Variants in NFYC observed in about 807,000 individuals in gnomAD.
The protein encoded by NFYC is CAAT box DNA-binding protein subunit C.
In NFYC, 25 loss-of-function variants were observed where a neutral mutation model predicts 53.1. That is an observed-to-expected ratio of 0.47 (90% CI 0.34 to 0.66). The LOEUF (loss-of-function observed/expected upper bound fraction) is 0.66. NFYC is among the 30% of genes least tolerant of loss of function. The pLI is 0.01. For synonymous variants in NFYC, 145 were observed against 152.6 expected (o/e 0.95, Z 0.37); for missense variants, 260 against 422.7 (o/e 0.62, Z 3.38).
Position 40,758,145 on chromosome 1 carries a change from C to G in NFYC, c.412C>G (p.Pro138Ala). ...GGAGGAGGTGCGCCAGTCTGTAACT[C>G]CTGCCGAGCCAGTCCAGTACTATTT... ...RQEEVRQSVT[P>A]AEPVQYYFTL... is the part of the protein sequence containing the mutation. Residue 138 changes from proline to alanine, a missense_variant, in exon 6 of 10, where the codon CCT (proline) becomes GCT (alanine). Pro to Ala is a conservative substitution (Grantham distance 27, BLOSUM62 -1). Coordinates refer to ENST00000447388, the MANE Select transcript of NFYC (RefSeq NM_014223.5). The G allele has an allele frequency of 1.2e-6, 2 of 1,611,982 alleles. No homozygotes were observed. The highest frequency in any genetic ancestry group is 1.1e-5 in the South Asian group (1 of 90,958).
chr1:40,709,874 C>G (rs1288201966), intron 1 of NFYC, among the ~76,000 whole-genome samples: 2 of 152,206 alleles, frequency 1.3e-5, no homozygotes, highest in African/African-American at 4.8e-5. Flanking sequence ...ACACTTTTCT[C>G]TTTGCATTGG....
At chr1:40,691,940 C>G (rs777489433) in intron 1 of NFYC, 73 bp downstream of exon 1, 219 of 330,890 alleles carry the variant, frequency 6.6e-4, no homozygotes, top group Admixed American at 1.3e-3. Context: ...CAGCGCTTCC[C>G]GCCTTCGCCA....
At chr1:40,737,934 G>T (rs1277162194) in intron 1 of NFYC, among the ~76,000 whole-genome samples, 1 of 130,396 alleles carries the variant, frequency 7.7e-6, no homozygotes, top group Non-Finnish European at 1.6e-5. Flanking sequence ...ACGGAGTCTC[G>T]CTCTGTCGCC....
chr1:40,700,523 G>C (rs1353087060), intron 1 of NFYC, among the ~76,000 whole-genome samples: 1 of 151,812 alleles, frequency 6.6e-6, no homozygotes, highest in Non-Finnish European at 1.5e-5. Flanking sequence ...TTTTTTTATT[G>C]TTAGTAGTGA....
intron 8 of NFYC, chr1:40,766,944 G>A (rs552679138): frequency 6.4e-7 from 1 of 1,552,246 alleles, no homozygotes; most frequent in Admixed American, 2.0e-5. Context: ...GTCAGGGGAA[G>A]CCTCGAAGGT....
chr1:40,756,506 A>C (rs1211833146), intron 5 of NFYC, among the ~76,000 whole-genome samples: 2 of 152,202 alleles, frequency 1.3e-5, no homozygotes. Flanking sequence ...CATGTCATGC[A>C]GAGACCCATG....
intron 1 of NFYC, among the ~76,000 whole-genome samples, chr1:40,714,952 C>T (rs1301013484): frequency 1.3e-5 from 2 of 151,852 alleles, no homozygotes; most frequent in African/African-American, 4.8e-5. Flanking sequence ...TGGTGGCGGG[C>T]GCCTGTAGTC....
chr1:40,727,920 T>C (rs903775952), intron 1 of NFYC, among the ~76,000 whole-genome samples: 1 of 152,100 alleles, frequency 6.6e-6, no homozygotes, highest in Non-Finnish European at 1.5e-5. Flanking sequence ...AATCCCTGTC[T>C]ATGGCAGCTG....
At chr1:40,701,143 C>G (rs1643415323) in intron 1 of NFYC, among the ~76,000 whole-genome samples, 1 of 152,178 alleles carries the variant, frequency 6.6e-6, no homozygotes, top group African/African-American at 2.4e-5. Flanking sequence ...GTCACCCAGG[C>G]TGGAGTGCAT....
chr1:40,766,573 CTT>C (rs1306862215), intron 7 of NFYC, 21 bp from the exon 8 acceptor site: 2 of 1,582,032 alleles, frequency 1.3e-6, no homozygotes, highest in Non-Finnish European at 1.7e-6. Context: ...CTTATGGTCT[CTT>C]TGTCTCTGCC....
intron 1 of NFYC, among the ~76,000 whole-genome samples, chr1:40,719,892 A>G (rs906468630): frequency 6.6e-6 from 1 of 152,226 alleles, no homozygotes; most frequent in African/African-American, 2.4e-5. Context: ...CCACCTGGAT[A>G]AAGTATCTTT....
intron 1 of NFYC, among the ~76,000 whole-genome samples, chr1:40,724,958 T>C (rs902566615): frequency 6.6e-6 from 1 of 152,216 alleles, no homozygotes; most frequent in Non-Finnish European, 1.5e-5. Flanking sequence ...CGGCTTCCTC[T>C]TAACACAGAT....
intron 1 of NFYC, among the ~76,000 whole-genome samples, chr1:40,724,628 T>C (rs536224308): frequency 6.6e-6 from 1 of 152,338 alleles, no homozygotes; most frequent in African/African-American, 2.4e-5. Context: ...AGATGTTACA[T>C]ATCGTTTTCT....
intron 1 of NFYC, chr1:40,735,624 A>G: frequency 1.0e-6 from 1 of 985,430 alleles, no homozygotes; most frequent in Non-Finnish European, 1.2e-6. Context: ...AACTAAACCT[A>G]CCCATCCATT....
chr1:40,755,818 G>A (rs769837531), intron 5 of NFYC, among the ~76,000 whole-genome samples: 6 of 152,174 alleles, frequency 3.9e-5, no homozygotes, highest in Non-Finnish European at 8.8e-5. Flanking sequence ...AGCAGCATAG[G>A]AGGAGCTCTT....
At chr1:40,708,515 A>T (rs922064950) in intron 1 of NFYC, among the ~76,000 whole-genome samples, 2 of 151,662 alleles carry the variant, frequency 1.3e-5, no homozygotes, top group Non-Finnish European at 2.9e-5. Context: ...ATTCCCCCCA[A>T]CCCCTTATCA....
chr1:40,763,282 A>G, intron 7 of NFYC: 1 of 475,222 alleles, frequency 2.1e-6, no homozygotes. Flanking sequence ...CTTGATATAT[A>G]TATCTGTAGC....
In NFYC at chr1:40,738,902, A is replaced by C. The variant is rs1645194061; in HGVS notation, c.59A>C (p.Gln20Pro). ...TSSSDAQQSL[Q>P]SFWPRVMEEI... ...AGCAGTGATGCCCAGCAAAGCCTAC[A>C]GTCGTTCTGGCCTCGGGTCATGGAA... is the stretch of plus-strand genomic sequence containing the variant. The change falls in exon 2 of 10, where the codon CAG (glutamine) becomes CCG (proline). Residue 20 changes from glutamine (Q) to proline (P), a missense_variant. Transcript: ENST00000447388. 1.2e-6 allele frequency: 2 copies of C among 1,614,074 alleles called. No homozygotes were observed. The highest frequency in any genetic ancestry group is 2.7e-5 in the African/African-American group (2 of 74,940).
At chr1:40,695,265 C>G (rs556316892) in intron 1 of NFYC, among the ~76,000 whole-genome samples, 1 of 152,204 alleles carries the variant, frequency 6.6e-6, no homozygotes, top group South Asian at 2.1e-4. Context: ...AATCCCAAAA[C>G]TGTACTAGAG....
Sources: allele counts gnomAD v4.1 joint callset (sites outside exome capture counted in the v4.1 genomes callset), GRCh38; gene constraint gnomAD v4.1.1; transcripts MANE v1.5; gene names NCBI Gene and HGNC (gene_info 2026-07-23, HGNC 2026-07-21).